PDZRN4: variants seen among roughly 807,000 people sequenced by gnomAD.
The protein encoded by PDZRN4 is PDZ domain-containing RING finger protein 4.
PDZRN4 carries 70 observed loss-of-function variants against 99.0 expected under a neutral mutation model. The observed-to-expected ratio is 0.71, with a 90% CI of 0.58 to 0.86. The LOEUF (loss-of-function observed/expected upper bound fraction) is 0.86. Among genes scored for constraint, PDZRN4 ranks in the 40% least tolerant of loss-of-function variants. The pLI, the probability that PDZRN4 is intolerant of heterozygous loss-of-function variation, is 0.00. For synonymous variants in PDZRN4, 551 were observed against 501.6 expected, an observed-to-expected ratio of 1.10 and a Z score of -1.32; for missense variants, 1,474 against 1,331.2, an observed-to-expected ratio of 1.11 and a Z score of -1.67.
At position 41,366,420 on chromosome 12, in the gene PDZRN4, T is replaced by C. The variant is rs1359313214; in HGVS notation, c.844-140036T>C. The stretch of plus-strand genomic sequence containing the variant: ...ACTGACATCACATTATCAGCAGTAA[T>C]ATATGACTGCATCTAAATATAAGGT... On this transcript the variant is annotated intron_variant, in intron 3 of 9. Transcript: ENST00000402685. Among the ~76,000 whole-genome samples the C allele has an allele frequency of 4.6e-5, 7 of 152,224 alleles. No homozygotes were observed. The East Asian group carries it at 5.8e-4, about 13-fold the overall frequency.
chr12:41,557,900 A>G (rs1300317767), intron 7 of PDZRN4, among the ~76,000 whole-genome samples: 1 of 152,176 alleles, frequency 6.6e-6, no homozygotes, highest in Non-Finnish European at 1.5e-5. Context: ...AAGCCAAGAC[A>G]TAGTCTTGTT....
At chr12:41,503,041 T>G (rs1938137995) in intron 3 of PDZRN4, among the ~76,000 whole-genome samples, 1 of 152,160 alleles carries the variant, frequency 6.6e-6, no homozygotes, top group Non-Finnish European at 1.5e-5. Flanking sequence ...AGCTCTTCTT[T>G]TCTTTTCTTG....
chr12:41,303,234 C>T (rs1951548761), intron 3 of PDZRN4, among the ~76,000 whole-genome samples: 1 of 152,088 alleles, frequency 6.6e-6, no homozygotes, highest in South Asian at 2.1e-4. Flanking sequence ...TCAGTAAAAC[C>T]ACCAGTCAGA....
chr12:41,344,635 A>G (rs962920535), intron 3 of PDZRN4, among the ~76,000 whole-genome samples: 5 of 151,576 alleles, frequency 3.3e-5, no homozygotes, highest in African/African-American at 1.2e-4. Flanking sequence ...TTTTCCTAAC[A>G]TAGGACCTAC....
At chr12:41,316,957 T>C (rs1273509607) in intron 3 of PDZRN4, among the ~76,000 whole-genome samples, 1 of 150,338 alleles carries the variant, frequency 6.7e-6, no homozygotes, top group Non-Finnish European at 1.5e-5. Flanking sequence ...TAGAAAAGCT[T>C]TTAATCATCA....
intron 3 of PDZRN4, among the ~76,000 whole-genome samples, chr12:41,385,219 A>C (rs1383539358): frequency 6.6e-6 from 1 of 152,224 alleles, no homozygotes; most frequent in Non-Finnish European, 1.5e-5. Context: ...AATTCTGGGG[A>C]GGAGTTGCAC....
chr12:41,346,743 T>C (rs978885407), intron 3 of PDZRN4, among the ~76,000 whole-genome samples: 2 of 152,170 alleles, frequency 1.3e-5, no homozygotes, highest in Non-Finnish European at 2.9e-5. Context: ...GGTTTTTTGG[T>C]TTATTACAGC....
At chr12:41,389,531 T>C (rs1952194632) in intron 3 of PDZRN4, among the ~76,000 whole-genome samples, 1 of 152,210 alleles carries the variant, frequency 6.6e-6, no homozygotes, top group Non-Finnish European at 1.5e-5. Flanking sequence ...ATACCATGTT[T>C]ATCTTGACTT....
rs11180980 is a variant in PDZRN4, at chr12:41,528,254, T to C, written c.1203+18341T>C. ...ACTTAGTTCTGAACAATAGAGTGGC[T>C]GGTATCTTTAAATTAAATACACAGG... is the stretch of plus-strand genomic sequence containing the variant. On this transcript the variant is annotated intron_variant, in intron 5 of 9. Transcript: ENST00000402685. Among the ~76,000 whole-genome samples the C allele has an allele frequency of 7.1e-4, 108 of 152,292 alleles. 2 individuals are homozygous for C. In the East Asian group the frequency reaches 0.019, roughly 27 times the overall value.
At chr12:41,314,365 T>C (rs75717431) in intron 3 of PDZRN4, among the ~76,000 whole-genome samples, 6,925 of 152,242 alleles carry the variant, frequency 0.045, 530 homozygotes, top group African/African-American at 0.16. Flanking sequence ...GCACTCTCCT[T>C]AGTGCTCATG....
intron 3 of PDZRN4, among the ~76,000 whole-genome samples, chr12:41,302,578 G>T (rs143248437): frequency 1.3e-5 from 2 of 152,098 alleles, no homozygotes; most frequent in African/African-American, 4.8e-5. Context: ...GTTCTCTAGG[G>T]AGTGGGTAAT....
At chr12:41,541,534 A>G (rs969205047) in intron 5 of PDZRN4, among the ~76,000 whole-genome samples, 3 of 150,992 alleles carry the variant, frequency 2.0e-5, no homozygotes, top group Non-Finnish European at 4.4e-5. Flanking sequence ...GCTCACTGCA[A>G]GTTCCACCTC....
At chr12:41,562,697 A>G (rs915665035) in intron 7 of PDZRN4, among the ~76,000 whole-genome samples, 2 of 152,084 alleles carry the variant, frequency 1.3e-5, no homozygotes, top group African/African-American at 2.4e-5. Flanking sequence ...TGTAGTTTAA[A>G]AAAAGAAACT....
intron 3 of PDZRN4, among the ~76,000 whole-genome samples, chr12:41,434,027 C>T (rs1952607050): frequency 6.6e-6 from 1 of 152,136 alleles, no homozygotes; most frequent in African/African-American, 2.4e-5. Flanking sequence ...TAACCACCAT[C>T]CTGACTTTTT....
chr12:41,505,718 A>C (rs1173531400), intron 3 of PDZRN4, among the ~76,000 whole-genome samples: 1 of 151,954 alleles, frequency 6.6e-6, no homozygotes, highest in African/African-American at 2.4e-5. Context: ...TACCTTGGAG[A>C]GTCATGAATT....
intron 3 of PDZRN4, among the ~76,000 whole-genome samples, chr12:41,227,916 CACA>C (rs1566375644): frequency 0.5 from 62,607 of 126,110 alleles, 14,788 homozygotes; most frequent in Admixed American, 0.6. Context: ...CACACACACA[CACA>C]CCAGAAGGGT....
At chr12:41,250,004 G>A (rs556739811) in intron 3 of PDZRN4, among the ~76,000 whole-genome samples, 45 of 152,208 alleles carry the variant, frequency 3.0e-4, no homozygotes, top group African/African-American at 9.6e-4. Flanking sequence ...CTCAATTAAG[G>A]GGACAATTCT....
At chr12:41,197,863 C>T (rs935182529) in intron 3 of PDZRN4, among the ~76,000 whole-genome samples, 5 of 142,310 alleles carry the variant, frequency 3.5e-5, no homozygotes, top group Non-Finnish European at 7.7e-5. Context: ...CTTTTAGCAT[C>T]GATTCCTCTA....
intron 5 of PDZRN4, among the ~76,000 whole-genome samples, chr12:41,510,942 A>T (rs1286561928): frequency 6.6e-6 from 1 of 152,094 alleles, no homozygotes; most frequent in Non-Finnish European, 1.5e-5. Context: ...TGTGTTGTTC[A>T]TGTTAAATTT....
Sources: gnomAD v4.1 joint callset for allele counts (sites outside exome capture counted in the v4.1 genomes callset) on GRCh38, gnomAD v4.1.1 for gene constraint, MANE v1.5 for transcripts, NCBI Gene and HGNC (gene_info 2026-07-23, HGNC 2026-07-21) for gene names.